Variants in DDX60L observed in about 807,000 individuals in gnomAD.
The protein encoded by DDX60L is DExD/H-box 60 like, also known as probable ATP-dependent RNA helicase DDX60-like.
In DDX60L, 191 loss-of-function variants were observed where a neutral mutation model predicts 211.6. That is an observed-to-expected ratio of 0.90 (90% confidence interval 0.80 to 1.02). DDX60L has a LOEUF of 1.02. DDX60L is among the 50% of genes least tolerant of loss of function. The pLI is 0.00. For missense variants in DDX60L, 2,007 were observed against 1,984.1 expected (o/e 1.01, Z -0.22); for synonymous variants, 706 against 694.1 (o/e 1.02, Z -0.27).
chr4:168,438,903 T>G (rs1753437307), intron 10 of DDX60L, among the ~76,000 whole-genome samples: 1 of 152,238 alleles, frequency 6.6e-6, no homozygotes, highest in Non-Finnish European at 1.5e-5. Context: ...GATATTTTTG[T>G]TTTCTTCTTT....
At chr4:168,471,646 C>T in intron 4 of DDX60L, 101 bp downstream of exon 4, 1 of 921,888 alleles carries the variant, frequency 1.1e-6, no homozygotes, top group Non-Finnish European at 1.6e-6. Flanking sequence ...TTTATATTTT[C>T]TATGATGACA....
At chr4:168,470,047 T>C (rs1287239184) in intron 4 of DDX60L, 1 of 152,230 alleles carries the variant, frequency 6.6e-6, no homozygotes, top group Non-Finnish European at 1.5e-5. Context: ...AGTCATAGTA[T>C]ACAAATGAAC....
chr4:168,424,496 T>C (rs1031415523), intron 14 of DDX60L, among the ~76,000 whole-genome samples: 2 of 152,194 alleles, frequency 1.3e-5, no homozygotes, highest in African/African-American at 4.8e-5. Context: ...AATGTATGCT[T>C]TAAGGAAGTA....
chr4:168,361,469 A>G, intron 36 of DDX60L: 2 of 284,884 alleles, frequency 7.0e-6, no homozygotes, highest in Non-Finnish European at 6.5e-6. Context: ...AGGGTCAATG[A>G]GGACTACAGA....
At chr4:168,375,588 T>C in intron 33 of DDX60L, 64 bp from the exon 34 acceptor site, 1 of 1,423,682 alleles carries the variant, frequency 7.0e-7, no homozygotes, top group Non-Finnish European at 9.4e-7. Context: ...AACTGCTTGG[T>C]GATAAGATTG....
chr4:168,408,719 G>A (rs984101626), intron 22 of DDX60L, among the ~76,000 whole-genome samples: 4 of 152,184 alleles, frequency 2.6e-5, no homozygotes, highest in Non-Finnish European at 5.9e-5. Context: ...AGGACTGCCT[G>A]GTGCCGACAG....
intron 35 of DDX60L, among the ~76,000 whole-genome samples, chr4:168,372,984 C>T (rs1741300566): frequency 6.6e-6 from 1 of 152,070 alleles, no homozygotes; most frequent in African/African-American, 2.4e-5. Flanking sequence ...CCTGAAATTG[C>T]ATTAGCAGCT....
chr4:168,417,240 C>T (rs1749722276), intron 19 of DDX60L, among the ~76,000 whole-genome samples: 1 of 152,204 alleles, frequency 6.6e-6, no homozygotes, highest in Non-Finnish European at 1.5e-5. Context: ...CAGTAAACCA[C>T]AAGCTGCTTA....
chr4:168,422,020 G>C (rs1353336284), intron 16 of DDX60L, 111 bp from the exon 17 acceptor site: 2 of 1,381,514 alleles, frequency 1.4e-6, no homozygotes, highest in African/African-American at 2.8e-5. Context: ...TGCTACCTTT[G>C]GGGGAACTCC....
rs1579533457 is a variant in DDX60L at position 168,421,617 on chromosome 4, T to G, written c.2394+143A>C. 3 of 1,121,794 alleles carry G rather than the reference T, an allele frequency of 2.7e-6. No homozygotes were observed. In the East Asian group the frequency reaches 7.7e-5, roughly 29 times the overall value. The allele number at this position is 1,121,794 out of a possible 1,614,324, so 69.5% of individuals were successfully genotyped here. On this transcript the variant is annotated intron_variant, in intron 17 of 37. Coordinates refer to ENST00000682922, the MANE Select transcript of DDX60L (RefSeq NM_001012967.3). Reference sequence around the variant, plus strand: ...TTGCAGTGAGCCGAGATCGCGCCACTGCACTCCAGCCTGAGTGACAGAGCA... The same window carrying G: ...TTGCAGTGAGCCGAGATCGCGCCACGGCACTCCAGCCTGAGTGACAGAGCA...
chr4:168,421,533 T>G (rs1050492811), intron 17 of DDX60L, among the ~76,000 whole-genome samples: 1 of 152,090 alleles, frequency 6.6e-6, no homozygotes, highest in African/African-American at 2.4e-5. Context: ...CACGTGCCTA[T>G]AATCCCAGCT....
At chr4:168,458,475 G>A (rs2712136) in intron 5 of DDX60L, among the ~76,000 whole-genome samples, 76,325 of 151,990 alleles carry the variant, frequency 0.5, 19,875 homozygotes, top group East Asian at 0.63. Context: ...ATGCAGCTGT[G>A]AAAAGGAACA....
At chr4:168,395,760 A>T (rs1242374273) in intron 27 of DDX60L, 199 bp downstream of exon 27, 3 of 486,654 alleles carry the variant, frequency 6.2e-6, no homozygotes, top group Non-Finnish European at 1.1e-5. Flanking sequence ...TGACATTCAC[A>T]CTGAGCAAGG....
Position 168,384,762 on chromosome 4 carries a change from A to G in DDX60L, c.3966T>C (p.Tyr1322=). ...TTTTGGGCAATGGGATATCAAAGAA[A>G]TACACATTTCCAAGCAGGTCTTGAC... is the stretch of plus-strand genomic sequence containing the variant. ...RRGQDLLGNV[Y]FFDIPLPKIK... The change falls in exon 30 of 38, where the codon TAT becomes TAC. Residue 1322 remains tyrosine, a synonymous_variant. Coordinates refer to ENST00000682922, the MANE Select transcript of DDX60L (RefSeq NM_001012967.3). 6.2e-7 allele frequency: 1 copy of G among 1,613,778 alleles called. No homozygotes were observed. The highest frequency in any genetic ancestry group is 8.5e-7 in the Non-Finnish European group (1 of 1,179,870).
intron 8 of DDX60L, among the ~76,000 whole-genome samples, chr4:168,451,896 A>G (rs1287547046): frequency 6.6e-6 from 1 of 151,962 alleles, no homozygotes; most frequent in African/African-American, 2.4e-5. Flanking sequence ...TCCCCCACTA[A>G]CTACTACTCA....
chr4:168,379,717 C>T lies in DDX60L; in HGVS notation c.4221+9G>A, dbSNP rs373439025. 1.4e-5 allele frequency: 23 copies of T among 1,606,860 alleles called. No individual in the cohort carries two copies. Among genetic ancestry groups the T allele is most frequent in the African/African-American group, 5.4e-5 (4 of 74,680 alleles). On this transcript the variant is annotated intron_variant, in intron 31 of 37. Transcript: ENST00000682922. The stretch of plus-strand genomic sequence containing the variant: ...TTACAGAGAACAAAAAGCCAAAGCA[C>T]GATGATACCTCTTTGATAAGGAGCT...
chr4:168,381,198 C>G (rs1742887782), intron 30 of DDX60L, among the ~76,000 whole-genome samples: 1 of 152,122 alleles, frequency 6.6e-6, no homozygotes, highest in Non-Finnish European at 1.5e-5. Flanking sequence ...ATTTTCTGGG[C>G]AGGAATTCAA....
chr4:168,463,243 T>C (rs1000374004), intron 4 of DDX60L, among the ~76,000 whole-genome samples: 13 of 152,246 alleles, frequency 8.5e-5, no homozygotes, highest in African/African-American at 3.1e-4. Context: ...AAGTCATTGA[T>C]GATAGACTGG....
chr4:168,472,626 C>A (rs934681168), intron 2 of DDX60L, 70 bp downstream of exon 2: 27 of 1,591,086 alleles, frequency 1.7e-5, no homozygotes, highest in Non-Finnish European at 2.2e-5. Context: ...TACTTTGTAA[C>A]ATTATTGAAT....
Sources: gnomAD v4.1 joint callset for allele counts (sites outside exome capture counted in the v4.1 genomes callset) on GRCh38, gnomAD v4.1.1 for gene constraint, MANE v1.5 for transcripts, NCBI Gene and HGNC (gene_info 2026-07-23, HGNC 2026-07-21) for gene names.